The following PTPRN2 variants were observed in gnomAD, a reference collection of about 807,000 sequenced individuals.
PTPRN2 encodes receptor-type tyrosine-protein phosphatase N2.
A neutral mutation model predicts 118.8 loss-of-function variants in PTPRN2; 74 were observed. The ratio of observed to expected loss-of-function variants is 0.62; its 90% CI spans 0.52 to 0.76. The LOEUF is 0.76. Among genes scored for constraint, PTPRN2 ranks in the 30% least tolerant of loss-of-function variants. PTPRN2 has a pLI of 0.00. For missense variants in PTPRN2, 1,481 were observed against 1,394.4 expected, an observed-to-expected ratio of 1.06 and a Z score of -0.99; for synonymous variants, 641 against 608.0, an observed-to-expected ratio of 1.05 and a Z score of -0.80.
intron 6 of PTPRN2, among the ~76,000 whole-genome samples, chr7:158,153,949 G>A (rs971183292): frequency 2.0e-5 from 3 of 152,026 alleles, no homozygotes; most frequent in Non-Finnish European, 2.9e-5. Context: ...GACATGGGGG[G>A]ACAGAAAGAA....
chr7:158,355,511 A>G (rs6958194), intron 2 of PTPRN2, among the ~76,000 whole-genome samples: 12,730 of 152,286 alleles, frequency 0.084, 1,384 homozygotes, highest in African/African-American at 0.25. Flanking sequence ...AACTGAGGAA[A>G]TGCAACTGCA....
Position 158,506,768 on chromosome 7 carries a change from C to A in PTPRN2, c.113-16983G>T, listed in dbSNP as rs74868278. ...AGCTGTGACATGACAAGGCGGATGC[C>A]GGGGGCCTCCGAAGGCCTGGGTGTC... On this transcript the variant is annotated intron_variant, in intron 1 of 22. Transcript: ENST00000389418. Among the ~76,000 whole-genome samples, 371 of 152,114 alleles carry A rather than the reference C, an allele frequency of 2.4e-3. 9 individuals carry two copies. The East Asian group carries it at 0.035, about 14-fold the overall frequency.
intron 12 of PTPRN2, among the ~76,000 whole-genome samples, chr7:157,859,682 C>T (rs1178501007): frequency 5.2e-5 from 2 of 38,184 alleles, no homozygotes; most frequent in African/African-American, 2.9e-4. Flanking sequence ...AGCCTCCCAG[C>T]CACCACCCAC....
intron 12 of PTPRN2, among the ~76,000 whole-genome samples, chr7:157,686,805 G>C (rs1211916443): frequency 6.6e-6 from 1 of 152,172 alleles, no homozygotes; most frequent in Admixed American, 6.5e-5. Context: ...TGGTAACACA[G>C]CGGCAGGGGT....
intron 6 of PTPRN2, among the ~76,000 whole-genome samples, chr7:158,150,415 A>C (rs1412927697): frequency 6.6e-6 from 1 of 152,168 alleles, no homozygotes; most frequent in East Asian, 1.9e-4. Context: ...CACCCTCAGC[A>C]GCTCGAAAAG....
At chr7:158,151,603 C>T (rs1295600997) in intron 6 of PTPRN2, among the ~76,000 whole-genome samples, 3 of 152,122 alleles carry the variant, frequency 2.0e-5, no homozygotes, top group Non-Finnish European at 2.9e-5. Context: ...GAGCCACGCC[C>T]TCCCCTTCAG....
intron 11 of PTPRN2, among the ~76,000 whole-genome samples, chr7:158,071,546 GCTC>G (rs1327795135): frequency 4.7e-5 from 6 of 127,314 alleles, no homozygotes; most frequent in East Asian, 5.3e-4. Flanking sequence ...TGATGGAGGT[GCTC>G]CTGGTGGTGG....
intron 14 of PTPRN2, among the ~76,000 whole-genome samples, chr7:157,646,639 G>C (rs1332351002): frequency 6.6e-6 from 1 of 152,182 alleles, no homozygotes; most frequent in Non-Finnish European, 1.5e-5. Flanking sequence ...GGGAGGCTGG[G>C]TCCCACTGGT....
intron 3 of PTPRN2, among the ~76,000 whole-genome samples, chr7:158,279,611 C>A (rs537781503): frequency 6.6e-6 from 1 of 152,248 alleles, no homozygotes; most frequent in Non-Finnish European, 1.5e-5. Context: ...CAGCAGGTGC[C>A]GGCCAGTCCC....
intron 3 of PTPRN2, among the ~76,000 whole-genome samples, chr7:158,312,584 C>G (rs541893940): frequency 6.6e-6 from 1 of 151,486 alleles, no homozygotes; most frequent in East Asian, 2.0e-4. Flanking sequence ...CCTACTCAAA[C>G]ACTCCCCCCA....
intron 5 of PTPRN2, among the ~76,000 whole-genome samples, chr7:158,178,196 T>C (rs1044714229): frequency 6.6e-6 from 1 of 152,248 alleles, no homozygotes; most frequent in Non-Finnish European, 1.5e-5. Flanking sequence ...TCAAATCTTT[T>C]GCCCATTTTT....
chr7:157,823,903 A>G (rs61700349), intron 12 of PTPRN2, among the ~76,000 whole-genome samples: 16,791 of 152,122 alleles, frequency 0.11, 1,595 homozygotes, highest in African/African-American at 0.23. Flanking sequence ...AGTGGGGAGG[A>G]GGTTGAATCA....
Position 158,150,792 on chromosome 7 carries a change from C to T in PTPRN2, c.911-12277G>A, listed in dbSNP as rs187784383. ...ATCTGCAGCACCGCGACCCAGCACTCCTCTCCCTCCGTGTCCTGTGAACTC... is the reference window on the plus strand; with the variant it reads ...ATCTGCAGCACCGCGACCCAGCACTTCTCTCCCTCCGTGTCCTGTGAACTC... On this transcript the variant is annotated intron_variant, in intron 6 of 22. Coordinates refer to ENST00000389418, the MANE Select transcript of PTPRN2 (RefSeq NM_002847.5). Among the ~76,000 whole-genome samples the T allele has an allele frequency of 1.2e-4, 19 of 152,044 alleles. No individual in the cohort carries two copies. The South Asian group carries it at 3.1e-3, about 25-fold the overall frequency.
chr7:158,362,166 T>C (rs2151294395), intron 2 of PTPRN2, among the ~76,000 whole-genome samples: 1 of 152,330 alleles, frequency 6.6e-6, no homozygotes, highest in Non-Finnish European at 1.5e-5. Flanking sequence ...CCACCTTTCC[T>C]GGACCTCCAT....
At position 157,674,553 on chromosome 7, in the gene PTPRN2, C is replaced by T. The variant is rs117455293; in HGVS notation, c.2001+8172G>A. Among the ~76,000 whole-genome samples, 6,782 of 152,308 alleles carry T rather than the reference C, an allele frequency of 0.045. 207 individuals carry two copies. Among genetic ancestry groups the T allele is most frequent in the Non-Finnish European group, 0.075 (5,071 of 68,018 alleles). On this transcript the variant is annotated intron_variant, in intron 13 of 22. Transcript: ENST00000389418. The surrounding 1 kb of genome is among the most constrained non-coding windows in gnomAD (Gnocchi z 4.5). ...TCTTGCCTCCTTTTATGCCGGTGTA[C>T]GTGTTGTGTTAAGAGCTGGGCTTTG...
At chr7:158,065,743 A>G (rs967154788) in intron 11 of PTPRN2, among the ~76,000 whole-genome samples, 4 of 152,138 alleles carry the variant, frequency 2.6e-5, no homozygotes, top group Non-Finnish European at 4.4e-5. Flanking sequence ...CGAGGACCTT[A>G]AAAAAAACCA....
chr7:158,167,347 G>A, intron 5 of PTPRN2, 56 bp from the exon 6 acceptor site: 1 of 1,525,092 alleles, frequency 6.6e-7, no homozygotes, highest in Middle Eastern at 1.8e-4. Flanking sequence ...GTCAGCTGGG[G>A]GCACCAAGAT....
intron 1 of PTPRN2, among the ~76,000 whole-genome samples, chr7:158,507,879 G>A (rs1325822841): frequency 1.3e-5 from 2 of 149,908 alleles, no homozygotes; most frequent in African/African-American, 2.5e-5. Flanking sequence ...GCAGTGTGCA[G>A]GAGACTGCAC....
chr7:157,580,974 C>G (rs1585059301), intron 17 of PTPRN2, among the ~76,000 whole-genome samples: 1 of 133,696 alleles, frequency 7.5e-6, no homozygotes, highest in African/African-American at 2.9e-5. Context: ...CTGCACACCG[C>G]AGCCCCTGCA....
Sources: allele counts gnomAD v4.1 joint callset (sites outside exome capture counted in the v4.1 genomes callset), GRCh38; gene constraint gnomAD v4.1.1; non-coding constraint Gnocchi (gnomAD v3.1); transcripts MANE v1.5; gene names NCBI Gene and HGNC (gene_info 2026-07-23, HGNC 2026-07-21).